The following SWAP70 variants were observed in gnomAD, a reference collection of about 807,000 sequenced individuals.
The protein encoded by SWAP70 is switch-associated protein 70.
SWAP70 carries 34 observed loss-of-function variants against 80.2 expected under a neutral mutation model. The ratio of observed to expected loss-of-function variants is 0.42; its 90% CI spans 0.32 to 0.56. SWAP70 has a LOEUF of 0.56. SWAP70 is among the 20% of genes least tolerant of loss of function. The probability of loss-of-function intolerance (pLI) is 0.09; values close to 1 mark genes in which losing one functional copy is unlikely to be tolerated. For synonymous variants in SWAP70, 239 were observed against 238.5 expected (o/e 1.00, Z -0.02); for missense variants, 578 against 690.7 (o/e 0.84, Z 1.83).
At chr11:9,687,481 T>G (rs553977939) in intron 1 of SWAP70, among the ~76,000 whole-genome samples, 36 of 152,350 alleles carry the variant, frequency 2.4e-4, no homozygotes, top group African/African-American at 8.7e-4. Flanking sequence ...TTTTGTTTTT[T>G]TATGGTTTCT....
intron 1 of SWAP70, among the ~76,000 whole-genome samples, chr11:9,667,702 A>G (rs1010423802): frequency 6.9e-6 from 1 of 145,110 alleles, no homozygotes. Flanking sequence ...AGATGGGACT[A>G]CAGGCACAGG....
intron 2 of SWAP70, among the ~76,000 whole-genome samples, chr11:9,702,400 G>GGTTTT (rs1421008350): frequency 2.2e-5 from 3 of 135,162 alleles, no homozygotes; most frequent in Non-Finnish European, 4.9e-5. Flanking sequence ...ACATAGTGTG[G>GGTTTT]GTTTTGTTTT....
At chr11:9,692,845 C>T (rs1850712976) in intron 1 of SWAP70, among the ~76,000 whole-genome samples, 1 of 152,122 alleles carries the variant, frequency 6.6e-6, no homozygotes, top group Non-Finnish European at 1.5e-5. Context: ...ACAGGGTTTG[C>T]TTGAGAAACA....
chr11:9,726,893 G>A (rs1399510969), intron 4 of SWAP70: 1 of 456,178 alleles, frequency 2.2e-6, no homozygotes, highest in Non-Finnish European at 4.4e-6. Flanking sequence ...TCCTGGTGCA[G>A]TATTTTCCTG....
At chr11:9,748,808 G>C (rs1390040727) in intron 10 of SWAP70, among the ~76,000 whole-genome samples, 1 of 152,210 alleles carries the variant, frequency 6.6e-6, no homozygotes, top group Non-Finnish European at 1.5e-5. Context: ...ATTGTAATTC[G>C]TATGCAGATG....
At chr11:9,702,411 GTT>G (rs56100709) in intron 2 of SWAP70, among the ~76,000 whole-genome samples, 36,751 of 147,402 alleles carry the variant, frequency 0.25, 5,799 homozygotes, top group Non-Finnish European at 0.36. Context: ...GTTTTGTTTT[GTT>G]TTTTTTTTTG....
intron 1 of SWAP70, among the ~76,000 whole-genome samples, chr11:9,668,277 T>C (rs370708828): frequency 2.8e-4 from 42 of 152,380 alleles, no homozygotes; most frequent in African/African-American, 9.9e-4. Context: ...ACTTTGATGA[T>C]ACTTTATTCA....
chr11:9,738,665 A>G (rs1851395371), intron 8 of SWAP70, among the ~76,000 whole-genome samples: 1 of 145,170 alleles, frequency 6.9e-6, no homozygotes. Flanking sequence ...CCAGGAGTTC[A>G]AGACCAGCCT....
chr11:9,718,264 T>G (rs1851090976), intron 3 of SWAP70, among the ~76,000 whole-genome samples: 1 of 152,262 alleles, frequency 6.6e-6, no homozygotes, highest in African/African-American at 2.4e-5. Context: ...TCATCATTTC[T>G]TCTGGTTAGA....
intron 1 of SWAP70, 101 bp from the exon 2 acceptor site, chr11:9,694,045 T>C: frequency 1.4e-6 from 2 of 1,388,376 alleles, no homozygotes; most frequent in Non-Finnish European, 1.9e-6. Flanking sequence ...TTATTTTCCA[T>C]CTTTCTCTAC....
intron 3 of SWAP70, among the ~76,000 whole-genome samples, chr11:9,722,120 T>G (rs429546): frequency 1.3e-5 from 2 of 152,038 alleles, no homozygotes; most frequent in African/African-American, 2.4e-5. Flanking sequence ...GAAGCAACAT[T>G]AGTGGAGTAC....
chr11:9,666,928 T>C (rs1233454896), intron 1 of SWAP70, among the ~76,000 whole-genome samples: 1 of 152,088 alleles, frequency 6.6e-6, no homozygotes, highest in African/African-American at 2.4e-5. Context: ...TTTCACCATA[T>C]TGGCCAGGGT....
intron 3 of SWAP70, among the ~76,000 whole-genome samples, chr11:9,715,434 A>G (rs1318267033): frequency 2.0e-5 from 3 of 152,140 alleles, no homozygotes; most frequent in Admixed American, 6.5e-5. Context: ...CCACCAGAGG[A>G]TGGGTGTTGC....
At chr11:9,748,081 T>C in intron 10 of SWAP70, 25 bp downstream of exon 10, 1 of 1,599,050 alleles carries the variant, frequency 6.3e-7, no homozygotes, top group South Asian at 1.1e-5. Context: ...CCCTGCAAAC[T>C]TGTATATTTA....
rs1323660413 is a variant in SWAP70 at position 9,664,126 on chromosome 11, G to T, written c.-54G>T. 1.3e-6 allele frequency: 2 copies of T among 1,507,680 alleles called. No homozygotes were observed. Among genetic ancestry groups the T allele is most frequent in the East Asian group, 2.7e-5 (1 of 37,308 alleles). The allele number at this position is 1,507,680 out of a possible 1,614,324, so 93.4% of individuals were successfully genotyped here. A position where few individuals can be genotyped will look rare whatever the true frequency, so the allele number is the denominator to read the frequency against. On this transcript the variant is annotated 5_prime_UTR_variant, in exon 1 of 12. Coordinates refer to ENST00000318950, the MANE Select transcript of SWAP70 (RefSeq NM_015055.4). ...CTGCGGAGGTTGAGGGGCGTCCGAG[G>T]CGCGGAGGGGCTGGCTGGGCAGGAG...
intron 3 of SWAP70, among the ~76,000 whole-genome samples, 183 bp from the exon 4 acceptor site, chr11:9,724,475 A>G (rs1358859082): frequency 1.3e-5 from 2 of 152,234 alleles, no homozygotes; most frequent in African/African-American, 4.8e-5. Flanking sequence ...CTGCACTAAT[A>G]CAGACCAGTG....
At chr11:9,669,986 G>C (rs1468986341) in intron 1 of SWAP70, among the ~76,000 whole-genome samples, 1 of 152,102 alleles carries the variant, frequency 6.6e-6, no homozygotes, top group African/African-American at 2.4e-5. Context: ...AAATTAGCTG[G>C]GTGTGGTGGC....
At chr11:9,673,596 T>C (rs1347253468) in intron 1 of SWAP70, among the ~76,000 whole-genome samples, 1 of 152,140 alleles carries the variant, frequency 6.6e-6, no homozygotes, top group African/African-American at 2.4e-5. Context: ...ATAGACTGAG[T>C]GGGAAAATCC....
chr11:9,708,437 T>C (rs1161704068), intron 2 of SWAP70, among the ~76,000 whole-genome samples: 1 of 152,232 alleles, frequency 6.6e-6, no homozygotes, highest in Non-Finnish European at 1.5e-5. Flanking sequence ...GCTGTTCGTA[T>C]ATATTATTTG....
Sources: gnomAD v4.1 joint callset for allele counts (sites outside exome capture counted in the v4.1 genomes callset) on GRCh38, gnomAD v4.1.1 for gene constraint, MANE v1.5 for transcripts, NCBI Gene and HGNC (gene_info 2026-07-23, HGNC 2026-07-21) for gene names.